VPS13B: variants seen among roughly 807,000 people sequenced by gnomAD.
VPS13B encodes intermembrane lipid transfer protein VPS13B.
VPS13B carries 285 observed loss-of-function variants against 426.4 expected under a neutral mutation model. The observed-to-expected ratio is 0.67, with a 90% CI of 0.61 to 0.74. The LOEUF is 0.74. VPS13B is among the 30% of genes least tolerant of loss of function. The pLI is 0.00. For synonymous variants in VPS13B, 1,676 were observed against 1,676.4 expected, an observed-to-expected ratio of 1.00 and a Z score of 0.01; for missense variants, 4,537 against 4,782.6, an observed-to-expected ratio of 0.95 and a Z score of 1.51.
Position 99,699,668 on chromosome 8 carries a change from A to G in VPS13B, c.6190A>G (p.Met2064Val), listed in dbSNP as rs200554315. The change falls in exon 36 of 62, where the codon ATG becomes GTG. Residue 2064 changes from methionine to valine, a missense_variant. Transcript: ENST00000357162. ...AGAGACTTCAGCCATGTCCAACACC[A>G]TGGTGAATAAGGATGATCTTCCAGT... Reference protein sequence around the residue: ...SEETSAMSNTMVNKDDLPVSK... With the variant: ...SEETSAMSNTVVNKDDLPVSK... 1.3e-5 allele frequency: 21 copies of G among 1,614,068 alleles called. No homozygotes were observed. Among genetic ancestry groups the G allele is most frequent in the South Asian group, 2.2e-5 (2 of 91,080 alleles).
Position 99,654,028 on chromosome 8 carries a change from G to T in VPS13B, c.5909-7326G>T, listed in dbSNP as rs561852533. ...TGCTGTCCTGACATTGGATGATGAT[G>T]ATGATTATTATTATTATTATTATTA... On this transcript the variant is annotated intron_variant, in intron 34 of 61. Coordinates refer to ENST00000357162, the MANE Select transcript of VPS13B (RefSeq NM_152564.5). Among the ~76,000 whole-genome samples the T allele has an allele frequency of 6.9e-3, 1,035 of 150,928 alleles. 8 individuals carry two copies. Among genetic ancestry groups the T allele is most frequent in the African/African-American group, 0.023 (937 of 41,062 alleles).
intron 17 of VPS13B, among the ~76,000 whole-genome samples, chr8:99,267,226 A>G (rs956677624): frequency 2.0e-5 from 3 of 152,074 alleles, no homozygotes; most frequent in African/African-American, 7.2e-5. Flanking sequence ...GAGATGAGGA[A>G]CTTGTTGGGA....
Position 99,818,445 on chromosome 8 carries a change from G to A in VPS13B, c.8362-6G>A, listed in dbSNP as rs1294053663. On this transcript the variant is annotated splice_region_variant and splice_polypyrimidine_tract_variant and intron_variant, in intron 45 of 61. Coordinates refer to ENST00000357162, the MANE Select transcript of VPS13B (RefSeq NM_152564.5). ...TCAATAGGACCCTTTGCTATTTCAT[G>A]TGCAGGTGCCATCTTCAAACAGTTC... is the stretch of plus-strand genomic sequence containing the variant. The A allele has an allele frequency of 1.2e-6, 2 of 1,613,802 alleles. No homozygotes were observed. The highest frequency in any genetic ancestry group is 1.7e-6 in the Non-Finnish European group (2 of 1,179,792).
At chr8:99,399,241 T>C (rs1043901361) in intron 21 of VPS13B, among the ~76,000 whole-genome samples, 4 of 152,156 alleles carry the variant, frequency 2.6e-5, no homozygotes, top group Admixed American at 2.6e-4. Flanking sequence ...TTTTGTACAT[T>C]GTAAGAAAAA....
At chr8:99,065,463 C>T (rs564757691) in intron 3 of VPS13B, among the ~76,000 whole-genome samples, 145 of 152,284 alleles carry the variant, frequency 9.5e-4, no homozygotes, top group Non-Finnish European at 1.7e-3. Flanking sequence ...AATTTAACAG[C>T]GCTTCATACT....
At chr8:99,639,195 T>C (rs956461538) in intron 33 of VPS13B, among the ~76,000 whole-genome samples, 2 of 152,194 alleles carry the variant, frequency 1.3e-5, no homozygotes, top group African/African-American at 4.8e-5. Flanking sequence ...CCCACATCTG[T>C]GTGACTACAA....
chr8:99,776,709 C>T (rs900169268), intron 40 of VPS13B, 66 bp from the exon 41 acceptor site: 381 of 1,449,202 alleles, frequency 2.6e-4, no homozygotes, highest in Admixed American at 1.1e-3. Flanking sequence ...TATAAAAAGA[C>T]GTTTCACTCA....
chr8:99,496,373 T>C (rs1004985791), intron 25 of VPS13B, among the ~76,000 whole-genome samples: 1 of 152,170 alleles, frequency 6.6e-6, no homozygotes. Flanking sequence ...AACATTAGAC[T>C]GGGCATGTTG....
chr8:99,532,531 A>T (rs1418632665), intron 30 of VPS13B, among the ~76,000 whole-genome samples: 1 of 152,064 alleles, frequency 6.6e-6, no homozygotes, highest in African/African-American at 2.4e-5. Flanking sequence ...CTTAGAAGAC[A>T]TGTGTTAGTA....
At chr8:99,679,628 A>G (rs1285194056) in intron 35 of VPS13B, among the ~76,000 whole-genome samples, 3 of 152,118 alleles carry the variant, frequency 2.0e-5, no homozygotes, top group Non-Finnish European at 2.9e-5. Context: ...TCCTCATAGC[A>G]CATAAGACAG....
At chr8:99,428,932 A>G (rs935917040) in intron 21 of VPS13B, among the ~76,000 whole-genome samples, 4 of 152,210 alleles carry the variant, frequency 2.6e-5, no homozygotes, top group African/African-American at 9.6e-5. Flanking sequence ...CATATACACC[A>G]TGGAATACTA....
rs188258560 is a variant in VPS13B at position 99,115,612 on chromosome 8, C to G, written c.763-88C>G. The G allele has an allele frequency of 6.9e-5, 88 of 1,269,902 alleles. No individual in the cohort carries two copies. In the African/African-American group the frequency reaches 1.2e-3, roughly 17 times the overall value. The allele number at this position is 1,269,902 out of a possible 1,614,324, so 78.7% of individuals were successfully genotyped here. A position where few individuals can be genotyped will look rare whatever the true frequency, so the allele number is the denominator to read the frequency against. On this transcript the variant is annotated intron_variant, in intron 6 of 61. Transcript: ENST00000357162. ...TTGGAGCATTTCTTTTATGTTATGC[C>G]ATTTAAAGACTTTAAAACATTTCTT...
At chr8:99,782,715 C>T (rs755058471) in intron 42 of VPS13B, among the ~76,000 whole-genome samples, 23 of 152,012 alleles carry the variant, frequency 1.5e-4, no homozygotes, top group Non-Finnish European at 2.8e-4. Flanking sequence ...CAAATGCCCT[C>T]AGCAAATGGA....
chr8:99,763,964 G>A (rs879793634), intron 39 of VPS13B, among the ~76,000 whole-genome samples: 15 of 152,100 alleles, frequency 9.9e-5, no homozygotes, highest in Admixed American at 3.9e-4. Flanking sequence ...TGGAGGTAAC[G>A]TTTATTTCAA....
intron 39 of VPS13B, among the ~76,000 whole-genome samples, chr8:99,750,738 A>C: frequency 6.6e-6 from 1 of 152,156 alleles, no homozygotes; most frequent in East Asian, 1.9e-4. Flanking sequence ...AGATAACAAC[A>C]TTAGATAGTA....
chr8:99,609,401 A>C (rs1210743614), intron 33 of VPS13B, among the ~76,000 whole-genome samples: 1 of 152,178 alleles, frequency 6.6e-6, no homozygotes, highest in Non-Finnish European at 1.5e-5. Context: ...CAAAAATGCT[A>C]ATTTTTGCTT....
At chr8:99,702,235 T>C (rs1362848008) in intron 36 of VPS13B, among the ~76,000 whole-genome samples, 1 of 152,198 alleles carries the variant, frequency 6.6e-6, no homozygotes, top group Non-Finnish European at 1.5e-5. Context: ...AACTGAAATT[T>C]TTTATACTTT....
chr8:99,252,273 A>G (rs527544727), intron 17 of VPS13B, among the ~76,000 whole-genome samples: 7 of 151,946 alleles, frequency 4.6e-5, no homozygotes, highest in Non-Finnish European at 8.8e-5. Flanking sequence ...TCTTCATTCA[A>G]TTTTTTTCTT....
At position 99,502,906 on chromosome 8, in the gene VPS13B, G is replaced by A. The variant is rs769085208; in HGVS notation, c.4113G>A (p.Val1371=). 2 of 1,613,058 alleles carry A rather than the reference G, an allele frequency of 1.2e-6. No homozygotes were observed. Among genetic ancestry groups the A allele is most frequent in the Admixed American group, 3.3e-5 (2 of 60,002 alleles). The stretch of plus-strand genomic sequence containing the variant: ...ATGTCCAGGATGTATATACCAAAGT[G>A]AAATGTAAAATAGAGAGTTTCAATA... ...SIDVQDVYTK[V]KCKIESFNID... is the part of the protein sequence containing the mutation. The change falls in exon 27 of 62, where the codon GTG becomes GTA. Residue 1371 remains valine (V), a synonymous_variant. Coordinates refer to ENST00000357162, the MANE Select transcript of VPS13B (RefSeq NM_152564.5).
Sources: allele counts gnomAD v4.1 joint callset (sites outside exome capture counted in the v4.1 genomes callset), GRCh38; gene constraint gnomAD v4.1.1; transcripts MANE v1.5; gene names NCBI Gene and HGNC (gene_info 2026-07-23, HGNC 2026-07-21).